Variants in RPS6KA5 observed in about 807,000 individuals in gnomAD.
RPS6KA5 encodes the protein ribosomal protein S6 kinase alpha-5.
A neutral mutation model predicts 85.5 loss-of-function variants in RPS6KA5; 27 were observed. That is an observed-to-expected ratio of 0.32 (90% CI 0.23 to 0.44). The LOEUF (loss-of-function observed/expected upper bound fraction) is 0.44, where lower values mean the gene tolerates loss of function less well. RPS6KA5 is among the 20% of genes least tolerant of loss of function. The probability of loss-of-function intolerance (pLI) is 1.00; values close to 1 mark genes in which losing one functional copy is unlikely to be tolerated. For missense variants in RPS6KA5, 811 were observed against 980.9 expected, an observed-to-expected ratio of 0.83 and a Z score of 2.31; for synonymous variants, 334 against 348.2, an observed-to-expected ratio of 0.96 and a Z score of 0.46.
At chr14:90,940,590 T>C (rs1034810839) in intron 5 of RPS6KA5, among the ~76,000 whole-genome samples, 3 of 152,244 alleles carry the variant, frequency 2.0e-5, no homozygotes, top group African/African-American at 7.2e-5. Context: ...TATTGCCAAA[T>C]GATCTGCCAC....
chr14:90,911,650 T>C (rs569289545), intron 7 of RPS6KA5, among the ~76,000 whole-genome samples: 1 of 152,298 alleles, frequency 6.6e-6, no homozygotes, highest in Non-Finnish European at 1.5e-5. Flanking sequence ...CATTACAAAA[T>C]TATGTTTACA....
At chr14:91,019,640 G>T (rs2041660147) in intron 1 of RPS6KA5, among the ~76,000 whole-genome samples, 2 of 151,932 alleles carry the variant, frequency 1.3e-5, no homozygotes, top group Admixed American at 1.3e-4. Flanking sequence ...TCTATTTACA[G>T]TTTTTTTTAC....
At position 90,901,611 on chromosome 14, in the gene RPS6KA5, C is replaced by T. The variant is rs115885175; in HGVS notation, c.1120-875G>A. On this transcript the variant is annotated intron_variant, in intron 9 of 16. Coordinates refer to ENST00000614987, the MANE Select transcript of RPS6KA5 (RefSeq NM_004755.4). ...GCTAGAACATTCACTAATCAACAAA[C>T]ATTTAAAAAAATGTTCAATAAGTGC... is the stretch of plus-strand genomic sequence containing the variant. Among the ~76,000 whole-genome samples, 1,092 of 152,228 alleles carry T rather than the reference C, an allele frequency of 7.2e-3. 18 individuals are homozygous for T. Among genetic ancestry groups the T allele is most frequent in the African/African-American group, 0.024 (1,001 of 41,540 alleles).
chr14:90,927,947 T>TTTTG lies in RPS6KA5; in HGVS notation c.619-4752_619-4751insCAAA, dbSNP rs1466156388. On this transcript the variant is annotated intron_variant, in intron 5 of 16. Coordinates refer to ENST00000614987, the MANE Select transcript of RPS6KA5 (RefSeq NM_004755.4). ...TCTTTCTTTTCTTTTCTTTTTTTTT[T>TTTTG]TTTTTTGAGACAAGGTCTCATTCTG... Among the ~76,000 whole-genome samples, 3 of 149,188 alleles carry TTTTG rather than the reference T, an allele frequency of 2.0e-5. No individual in the cohort carries two copies. In the East Asian group the frequency reaches 5.8e-4, roughly 29 times the overall value.
Position 90,868,468 on chromosome 14 carries a change from A to G in RPS6KA5, c.*3606T>C, listed in dbSNP as rs2032900538. The G allele has an allele frequency of 6.6e-6, 1 of 152,206 alleles. No homozygotes were observed. Among genetic ancestry groups the G allele is most frequent in the African/African-American group, 2.4e-5 (1 of 41,452 alleles). The allele number at this position is 152,206 out of a possible 1,614,324, so 9.4% of individuals were successfully genotyped here. A position where few individuals can be genotyped will look rare whatever the true frequency, so the allele number is the denominator to read the frequency against. ...ATGATGTTACAGTAATAATTCATCT[A>G]TATAACAATTATTTTGACATAAGTG... is the stretch of plus-strand genomic sequence containing the variant. On this transcript the variant is annotated 3_prime_UTR_variant, in exon 17 of 17. Transcript: ENST00000614987.
At chr14:90,886,737 TA>T (rs1421421119) in intron 14 of RPS6KA5, among the ~76,000 whole-genome samples, 2 of 152,244 alleles carry the variant, frequency 1.3e-5, no homozygotes, top group African/African-American at 4.8e-5. Flanking sequence ...TCAAGCTGCC[TA>T]ATTTGTGGTA....
Position 90,902,659 on chromosome 14 carries a change from ATG to A in RPS6KA5, c.1119+147_1119+148del, listed in dbSNP as rs569287605. Reference sequence around the variant, plus strand: ...AGCAAACTATAAGCTTCGGTTAACAATGTGCAATATTTCTGCATTTAATAATT... The same window carrying A: ...AGCAAACTATAAGCTTCGGTTAACAATGCAATATTTCTGCATTTAATAATT... On this transcript the variant is annotated intron_variant, in intron 9 of 16. Transcript: ENST00000614987. The A allele has an allele frequency of 3.2e-4, 194 of 602,574 alleles. No homozygotes were observed. In the South Asian group the frequency reaches 3.9e-3, roughly 12 times the overall value. 37.3% of individuals were successfully genotyped at this position (602,574 alleles called of 1,614,324 possible). A position where few individuals can be genotyped will look rare whatever the true frequency, so the allele number is the denominator to read the frequency against.
At chr14:91,001,727 A>G (rs573189397) in intron 1 of RPS6KA5, among the ~76,000 whole-genome samples, 1 of 152,338 alleles carries the variant, frequency 6.6e-6, no homozygotes, top group Non-Finnish European at 1.5e-5. Flanking sequence ...CTAAAATTCT[A>G]GGACTATGTT....
chr14:90,966,174 A>T (rs964990217), intron 3 of RPS6KA5, among the ~76,000 whole-genome samples: 2 of 152,226 alleles, frequency 1.3e-5, no homozygotes, highest in Non-Finnish European at 2.9e-5. Flanking sequence ...CCTGGGAGTC[A>T]ATTAGCTACA....
At chr14:90,950,094 G>C (rs1015508436) in intron 3 of RPS6KA5, among the ~76,000 whole-genome samples, 4 of 152,092 alleles carry the variant, frequency 2.6e-5, no homozygotes, top group Non-Finnish European at 4.4e-5. Flanking sequence ...CATTTATTTA[G>C]GTCTTCTTTC....
intron 1 of RPS6KA5, among the ~76,000 whole-genome samples, chr14:91,018,571 T>G (rs939191428): frequency 2.0e-5 from 3 of 152,172 alleles, no homozygotes; most frequent in Non-Finnish European, 4.4e-5. Context: ...CTTTCATCTT[T>G]CTCCTATGCT....
chr14:91,019,968 C>T (rs2041675818), intron 1 of RPS6KA5, among the ~76,000 whole-genome samples: 1 of 152,200 alleles, frequency 6.6e-6, no homozygotes, highest in Non-Finnish European at 1.5e-5. Context: ...GCTAGATGAT[C>T]TAGCCTATTG....
chr14:90,857,023 G>C lies in RPS6KA5; in HGVS notation c.*15051C>G, dbSNP rs561849356. 5 of 152,360 alleles carry C rather than the reference G, an allele frequency of 3.3e-5. No individual in the cohort carries two copies. Among genetic ancestry groups the C allele is most frequent in the Non-Finnish European group, 7.3e-5 (5 of 68,178 alleles). The allele number at this position is 152,360 out of a possible 1,614,324, so 9.4% of individuals were successfully genotyped here. ...CCAAGCCACAGGTGCTCAAGATGGC[G>C]AATCTGTCCTCCCAGTGCAGCCTAG... is the stretch of plus-strand genomic sequence containing the variant. On this transcript the variant is annotated 3_prime_UTR_variant, in exon 17 of 17. Coordinates refer to ENST00000614987, the MANE Select transcript of RPS6KA5 (RefSeq NM_004755.4).
intron 14 of RPS6KA5, among the ~76,000 whole-genome samples, chr14:90,881,820 A>G (rs1220897554): frequency 6.6e-6 from 1 of 152,064 alleles, no homozygotes. Context: ...TTTGGTTACT[A>G]TTTGCATGGA....
At chr14:91,051,319 C>CTGT (rs1394168266) in intron 1 of RPS6KA5, among the ~76,000 whole-genome samples, 2 of 151,698 alleles carry the variant, frequency 1.3e-5, no homozygotes, top group Admixed American at 6.6e-5. Flanking sequence ...TGGCTCATAC[C>CTGT]TGTAATCTCC....
In RPS6KA5 at chr14:90,870,678, T is replaced by C. The variant is rs1028191560; in HGVS notation, c.*1396A>G. On this transcript the variant is annotated 3_prime_UTR_variant, in exon 17 of 17. Transcript: ENST00000614987. The stretch of plus-strand genomic sequence containing the variant: ...GTTATCATTAACAAAAACTATAAAA[T>C]AAACATGTTGGGCATTATCTCTTTA... 3.9e-5 allele frequency: 6 copies of C among 152,112 alleles called. No individual in the cohort carries two copies. Among genetic ancestry groups the C allele is most frequent in the Non-Finnish European group, 8.8e-5 (6 of 67,922 alleles). The allele number at this position is 152,112 out of a possible 1,614,324, so 9.4% of individuals were successfully genotyped here. A position where few individuals can be genotyped will look rare whatever the true frequency, so the allele number is the denominator to read the frequency against.
chr14:90,937,264 A>C (rs1275189141), intron 5 of RPS6KA5, among the ~76,000 whole-genome samples: 1 of 152,148 alleles, frequency 6.6e-6, no homozygotes, highest in Non-Finnish European at 1.5e-5. Context: ...CAGCCTCAGC[A>C]GATGGTGGCG....
chr14:91,023,762 T>C (rs2041884016), intron 1 of RPS6KA5, among the ~76,000 whole-genome samples: 3 of 110,260 alleles, frequency 2.7e-5, no homozygotes. Flanking sequence ...TATCCTTCCG[T>C]TTATAATTTA....
chr14:90,915,127 A>G (rs979673901), intron 7 of RPS6KA5, among the ~76,000 whole-genome samples: 1 of 152,178 alleles, frequency 6.6e-6, no homozygotes, highest in Non-Finnish European at 1.5e-5. Flanking sequence ...AAAAAAAAAG[A>G]TACTTGTAGT....
Sources: gnomAD v4.1 joint callset for allele counts (sites outside exome capture counted in the v4.1 genomes callset) on GRCh38, gnomAD v4.1.1 for gene constraint, MANE v1.5 for transcripts, NCBI Gene and HGNC (gene_info 2026-07-23, HGNC 2026-07-21) for gene names.